The following HCFC1 variants were observed in gnomAD, a reference collection of about 807,000 sequenced individuals.
The protein encoded by HCFC1 is host cell factor 1.
HCFC1 carries 7 observed loss-of-function variants against 105.5 expected under a neutral mutation model. That is an observed-to-expected ratio of 0.07 (90% CI 0.04 to 0.12). HCFC1 has a LOEUF of 0.12. Among genes scored for constraint, HCFC1 ranks in the 10% least tolerant of loss-of-function variants. The probability of loss-of-function intolerance (pLI) is 1.00; values close to 1 mark genes in which losing one functional copy is unlikely to be tolerated. For missense variants in HCFC1, 1,065 were observed against 1,823.6 expected, an observed-to-expected ratio of 0.58 and a Z score of 7.58; for synonymous variants, 918 against 828.1, an observed-to-expected ratio of 1.11 and a Z score of -1.86.
At position 153,954,935 on chromosome X, in the gene HCFC1, G is replaced by A. The variant is rs782772640; in HGVS notation, c.3464C>T (p.Ala1155Val). The A allele has an allele frequency of 2.5e-6, 3 of 1,189,769 alleles. No homozygotes were observed. Among genetic ancestry groups the A allele is most frequent in the Non-Finnish European group, 3.4e-6 (3 of 886,356 alleles). Reference sequence around the variant, plus strand: ...CTTAGAGCCCTGGGCTGCCTCCAGCGCCCCAGTGGCCACACTGATCCGGAT... The same window carrying A: ...CTTAGAGCCCTGGGCTGCCTCCAGCACCCCAGTGGCCACACTGATCCGGAT... ...AVIRISVATG[A>V]LEAAQGSKSQ... Residue 1155 changes from alanine (A) to valine (V), a missense_variant, in exon 17 of 26, where the codon GCG (alanine) becomes GTG (valine). Physicochemically the swap from Ala to Val is moderately conservative, Grantham distance 64 (BLOSUM62 0). Transcript: ENST00000310441.
chrX:153,964,471 A>G, intron 2 of HCFC1, 107 bp downstream of exon 2: 1 of 964,253 alleles, frequency 1.0e-6, no homozygotes, highest in Non-Finnish European at 1.4e-6. Flanking sequence ...CAGCCTTGGC[A>G]GACTCTCAAG....
In HCFC1 at chrX:153,963,310, G is replaced by A. The variant is rs376699929; in HGVS notation, c.627C>T (p.Thr209=). ...GCTTGGACTTCTTATTGTCTTTTTC[G>A]GTGTAGACCACGGCAGTATGTGACT... is the stretch of plus-strand genomic sequence containing the variant. ...PRESHTAVVY[T]EKDNKKSKLV... is the part of the protein sequence containing the mutation. The change falls in exon 4 of 26, where the codon ACC becomes ACT. Residue 209 remains threonine, a synonymous_variant. Coordinates refer to ENST00000310441, the MANE Select transcript of HCFC1 (RefSeq NM_005334.3). 47 of 1,208,922 alleles carry A rather than the reference G, an allele frequency of 3.9e-5. No individual in the cohort carries two copies. Among genetic ancestry groups the A allele is most frequent in the Non-Finnish European group, 5.3e-5 (47 of 894,044 alleles).
chrX:153,948,522 G>GA lies in HCFC1; in HGVS notation c.*824dup, dbSNP rs1245587937. On this transcript the variant is annotated 3_prime_UTR_variant, in exon 26 of 26. Transcript: ENST00000310441. ...AAAACAAAACAAAACAAAAAAAAGA[G>GA]AAAAGAAAAAAGATTACACATTCTG... 8.9e-6 allele frequency: 1 copy of GA among 112,672 alleles called. No homozygotes were observed. The highest frequency in any genetic ancestry group is 2.8e-4 in the East Asian group (1 of 3,596). 9.3% of individuals were successfully genotyped at this position (112,672 alleles called of 1,213,427 possible).
At position 153,957,539 on chromosome X, in the gene HCFC1, A is replaced by AG; in HGVS notation, c.2134-7dup. ...GCTGGCAGGGGCCCTTTGGTCTGAA[A>AG]GGGGGAAGCAGGTGCATGAGCCGGC... On this transcript the variant is annotated splice_region_variant and splice_polypyrimidine_tract_variant and intron_variant, in intron 12 of 25. Transcript: ENST00000310441. 1 of 1,158,977 alleles carries AG rather than the reference A, an allele frequency of 8.6e-7. No homozygotes were observed. The highest frequency in any genetic ancestry group is 2.2e-5 in the Admixed American group (1 of 44,660).
chrX:153,951,540 T>A (rs782035466), intron 21 of HCFC1, 49 bp downstream of exon 21: 86 of 1,206,718 alleles, frequency 7.1e-5, no homozygotes, highest in Non-Finnish European at 9.1e-5. Flanking sequence ...CTAGAGGCAG[T>A]GCTGCCCCCC....
intron 6 of HCFC1, among the ~76,000 whole-genome samples, chrX:153,961,080 G>A (rs1770891087): frequency 1.8e-5 from 2 of 113,095 alleles, no homozygotes; most frequent in African/African-American, 3.2e-5. Context: ...ACCGCAACTC[G>A]AAGGAGGCTG....
intron 3 of HCFC1, among the ~76,000 whole-genome samples, chrX:153,963,903 T>C (rs2065452147): frequency 9.0e-6 from 1 of 111,496 alleles, no homozygotes; most frequent in Non-Finnish European, 1.9e-5. Flanking sequence ...CACCTCCAGC[T>C]TGGCCCTCCT....
rs1253045561 is a variant in HCFC1 at position 153,971,470 on chromosome X, C to G, written c.-630G>C. 2.7e-5 allele frequency: 8 copies of G among 294,142 alleles called. No homozygotes were observed. The highest frequency in any genetic ancestry group is 4.7e-5 in the Non-Finnish European group (8 of 168,590). The allele number at this position is 294,142 out of a possible 1,213,427, so 24.2% of individuals were successfully genotyped here. A position where few individuals can be genotyped will look rare whatever the true frequency, so the allele number is the denominator to read the frequency against. On this transcript the variant is annotated 5_prime_UTR_variant, in exon 1 of 26. Coordinates refer to ENST00000310441, the MANE Select transcript of HCFC1 (RefSeq NM_005334.3). ...GGAGGCGGGCCGGAGGCCGGTGGAA[C>G]CAGCTCGAGCTCTCGAGGGCCGTTT...
chrX:153,954,757 C>T lies in HCFC1; in HGVS notation c.3642G>A (p.Leu1214=). ...RSPAFVQLAP[L]SSKVRLSSPS... Reference sequence around the variant, plus strand: ...GGCTGCTCAGCCTGACTTTGCTGCTCAGAGGGGCCAACTGCACAAAAGCAG... The same window carrying T: ...GGCTGCTCAGCCTGACTTTGCTGCTTAGAGGGGCCAACTGCACAAAAGCAG... The change falls in exon 17 of 26, where the codon CTG becomes CTA. Residue 1214 remains leucine, a synonymous_variant. Coordinates refer to ENST00000310441, the MANE Select transcript of HCFC1 (RefSeq NM_005334.3). 8.5e-7 allele frequency: 1 copy of T among 1,172,851 alleles called. No individual in the cohort carries two copies. The highest frequency in any genetic ancestry group is 1.1e-6 in the Non-Finnish European group (1 of 876,436).
intron 3 of HCFC1, 84 bp downstream of exon 3, chrX:153,964,040 C>T: frequency 1.1e-6 from 1 of 874,768 alleles, no homozygotes; most frequent in Non-Finnish European, 1.6e-6. Flanking sequence ...CTCTGCTGCG[C>T]ACATTCTTTA....
At chrX:153,956,066 C>T (rs2065373217) in intron 16 of HCFC1, 125 bp downstream of exon 16, 1 of 618,154 alleles carries the variant, frequency 1.6e-6, no homozygotes, top group Admixed American at 2.9e-5. Flanking sequence ...AAAGGCCTGC[C>T]ATGGCTGCAC....
At chrX:153,966,210 AAAAC>A (rs1357411633) in intron 1 of HCFC1, among the ~76,000 whole-genome samples, 7 of 110,596 alleles carry the variant, frequency 6.3e-5, no homozygotes, top group East Asian at 2.8e-4. Context: ...ACCTAACCTC[AAAAC>A]AAACAAACAA....
chrX:153,961,378 G>A (rs12687712), intron 6 of HCFC1, among the ~76,000 whole-genome samples, 164 bp downstream of exon 6: 2 of 111,975 alleles, frequency 1.8e-5, no homozygotes, highest in South Asian at 3.7e-4. Flanking sequence ...ACTCAGAGGC[G>A]GAACATTGCT....
intron 16 of HCFC1, 100 bp downstream of exon 16, chrX:153,956,091 A>G: frequency 1.2e-6 from 1 of 802,057 alleles, no homozygotes; most frequent in Admixed American, 2.5e-5. Flanking sequence ...CAGCAGCGCA[A>G]CACCAGGAAG....
Position 153,954,112 on chromosome X carries a change from G to A in HCFC1, c.4287C>T (p.Thr1429=), listed in dbSNP as rs782731862. 5 of 1,209,546 alleles carry A rather than the reference G, an allele frequency of 4.1e-6. No individual in the cohort carries two copies. The highest frequency in any genetic ancestry group is 5.6e-6 in the Non-Finnish European group (5 of 893,900). ...AAGTGACAGTGGTGGCCGTGTGAGTGGTGCCCGTCTCGTGGGTCTCACAGG... is the reference window on the plus strand; with the variant it reads ...AAGTGACAGTGGTGGCCGTGTGAGTAGTGCCCGTCTCGTGGGTCTCACAGG... The part of the protein sequence containing the change: ...NPPCETHETG[T]THTATTVTSN... Residue 1429 remains threonine, a synonymous_variant, in exon 17 of 26, where the codon ACC becomes ACT. Coordinates refer to ENST00000310441, the MANE Select transcript of HCFC1 (RefSeq NM_005334.3).
Position 153,960,247 on chromosome X carries a change from A to G in HCFC1, c.1072T>C (p.Tyr358His). Residue 358 changes from tyrosine (Y) to histidine (H), a missense_variant, in exon 7 of 26, where the codon TAC becomes CAC. Around this residue, in one of 17 missense-constraint regions of HCFC1, gnomAD observed 1 missense variants for 19.4 expected, o/e 0.05. Coordinates refer to ENST00000310441, the MANE Select transcript of HCFC1 (RefSeq NM_005334.3). ...GGGCCGGGCCTACCTGTCTCTAGGT[A>G]CCAGAGGTCCTTGCAGCAGACCTGG... ...NNQVCCKDLW[Y>H]LETEKPPPPA... 8.4e-7 allele frequency: 1 copy of G among 1,192,789 alleles called. No individual in the cohort carries two copies. The highest frequency in any genetic ancestry group is 1.1e-6 in the Non-Finnish European group (1 of 885,321).
rs2065365128 is a variant in HCFC1, at chrX:153,955,383, G to A, written c.3016C>T (p.Pro1006Ser). ...IADSGQGDVQ[P>S]GTVTLVCSNP... is the part of the protein sequence containing the mutation. ...GAGCACACCAAGGTGACAGTGCCAG[G>A]CTGCACATCACCCTGGCCTGAGTCG... Residue 1006 changes from proline to serine, a missense_variant, in exon 17 of 26, where the codon CCT becomes TCT. Pro to Ser is a moderately conservative substitution (Grantham distance 74). Transcript: ENST00000310441. The A allele has an allele frequency of 8.3e-7, 1 of 1,211,209 alleles. No homozygotes were observed. Among genetic ancestry groups the A allele is most frequent in the African/African-American group, 1.7e-5 (1 of 57,970 alleles).
rs2065447423 is a variant in HCFC1, at chrX:153,963,436, G to A, written c.504-3C>T. The A allele has an allele frequency of 8.4e-7, 1 of 1,186,623 alleles. No individual in the cohort carries two copies. Among genetic ancestry groups the A allele is most frequent in the Admixed American group, 2.2e-5 (1 of 45,903 alleles). On this transcript the variant is annotated splice_polypyrimidine_tract_variant and splice_region_variant and intron_variant, in intron 3 of 25. Coordinates refer to ENST00000310441, the MANE Select transcript of HCFC1 (RefSeq NM_005334.3). Reference sequence around the variant, plus strand: ...GGATATATAAGTCATTCAGGTACCTGACGAGGAAAGATCAGTTACGGCAAG... The same window carrying A: ...GGATATATAAGTCATTCAGGTACCTAACGAGGAAAGATCAGTTACGGCAAG...
rs782517377 is a variant in HCFC1, at chrX:153,957,321, G to A, written c.2346C>T (p.Gly782=). 24 of 1,192,287 alleles carry A rather than the reference G, an allele frequency of 2.0e-5. No homozygotes were observed. The East Asian group carries it at 5.4e-4, about 27-fold the overall frequency. The change falls in exon 13 of 26, where the codon GGC becomes GGT. Residue 782 remains glycine (G), a synonymous_variant. Transcript: ENST00000310441. ...IPMSAIITQA[G]ATGVTSSPGI... The stretch of plus-strand genomic sequence containing the variant: ...GTCGGGGGAGGCCCCTACCCGTGGC[G>A]CCCGCCTGGGTGATGATGGCCGACA...
Sources: allele counts gnomAD v4.1 joint callset (sites outside exome capture counted in the v4.1 genomes callset), GRCh38; gene constraint gnomAD v4.1.1; regional missense constraint gnomAD v4.1.1; transcripts MANE v1.5; gene names NCBI Gene and HGNC (gene_info 2026-07-23, HGNC 2026-07-21).